CCDC187: variants seen among roughly 807,000 people sequenced by gnomAD.
CCDC187 encodes the protein coiled-coil domain containing 187, also known as coiled-coil domain-containing protein 187.
CCDC187 carries 32 observed loss-of-function variants against 38.0 expected under a neutral mutation model. That is an observed-to-expected ratio of 0.84 (90% CI 0.64 to 1.13). CCDC187 has a LOEUF of 1.13. Ranked by LOEUF, CCDC187 falls within the 50% of genes most tolerant of loss-of-function variation. The pLI, the probability that CCDC187 is intolerant of heterozygous loss-of-function variation, is 0.00. For missense variants in CCDC187, 707 were observed against 786.8 expected, an observed-to-expected ratio of 0.90 and a Z score of 1.21; for synonymous variants, 333 against 347.9, an observed-to-expected ratio of 0.96 and a Z score of 0.48.
intron 19 of CCDC187, among the ~76,000 whole-genome samples, chr9:136,260,533 G>A (rs1830667213): frequency 6.6e-6 from 1 of 151,680 alleles, no homozygotes; most frequent in African/African-American, 2.4e-5. Context: ...TGCACATGCT[G>A]GGCCCCCGAG....
At chr9:136,265,048 C>A (rs1385782980) in intron 17 of CCDC187, among the ~76,000 whole-genome samples, 1 of 152,214 alleles carries the variant, frequency 6.6e-6, no homozygotes, top group Admixed American at 6.5e-5. Flanking sequence ...CCTCACCCAG[C>A]CAGGTTCTTT....
At chr9:136,293,731 C>T (rs1330679192) in intron 4 of CCDC187, among the ~76,000 whole-genome samples, 3 of 152,130 alleles carry the variant, frequency 2.0e-5, no homozygotes, top group Non-Finnish European at 2.9e-5. Flanking sequence ...CTCACTCATG[C>T]ATTCACACAT....
At chr9:136,283,760 C>A (rs941226091) in intron 9 of CCDC187, among the ~76,000 whole-genome samples, 13 of 152,200 alleles carry the variant, frequency 8.5e-5, no homozygotes, top group Non-Finnish European at 2.9e-5. Flanking sequence ...TCTAGCTGGT[C>A]CCCCGGGAGC....
intron 9 of CCDC187, among the ~76,000 whole-genome samples, chr9:136,284,862 G>C (rs1234722622): frequency 6.6e-6 from 1 of 152,088 alleles, no homozygotes; most frequent in Admixed American, 6.5e-5. Flanking sequence ...CCTCTGTCAC[G>C]AGCATCTAAC....
In CCDC187 at chr9:136,260,181, C is replaced by A; in HGVS notation, c.4148G>T (p.Trp1383Leu). 2.0e-6 allele frequency: 2 copies of A among 985,522 alleles called. No homozygotes were observed. The highest frequency in any genetic ancestry group is 5.2e-4 in the Middle Eastern group (1 of 1,914). The allele number at this position is 985,522 out of a possible 1,614,324, so 61.0% of individuals were successfully genotyped here. A position where few individuals can be genotyped will look rare whatever the true frequency, so the allele number is the denominator to read the frequency against. Residue 1383 changes from tryptophan to leucine, a missense_variant, in exon 20 of 26, where the codon TGG becomes TTG. Transcript: ENST00000638797. ...DGHQQPPRPAWGEDTHDPQGP... is the reference protein window; with the variant it reads ...DGHQQPPRPALGEDTHDPQGP... ...CTGGGGGTCGTGTGTGTCCTCGCCC[C>A]ATGCTGGCCTCGGAGGCTGCTGGTG...
chr9:136,291,526 C>A lies in CCDC187; in HGVS notation c.1087G>T (p.Asp363Tyr). The A allele has an allele frequency of 2.5e-6, 1 of 398,706 alleles. No individual in the cohort carries two copies. Among genetic ancestry groups the A allele is most frequent in the Non-Finnish European group, 4.4e-6 (1 of 226,132 alleles). 24.7% of individuals were successfully genotyped at this position (398,706 alleles called of 1,614,324 possible). A position where few individuals can be genotyped will look rare whatever the true frequency, so the allele number is the denominator to read the frequency against. The change falls in exon 6 of 26, where the codon GAC becomes TAC. Residue 363 changes from aspartate to tyrosine, a missense_variant. Asp to Tyr is a radical substitution (Grantham distance 160, BLOSUM62 -3). Transcript: ENST00000638797. Reference protein sequence around the residue: ...SGNTPSLASFDQPATIQTAMA... With the variant: ...SGNTPSLASFYQPATIQTAMA... ...GCCGTCTGTATGGTCGCTGGCTGGT[C>A]GAAGGAAGCCAGGCTGGGTGTGTTC... is the stretch of plus-strand genomic sequence containing the variant.
chr9:136,289,557 G>A (rs1161816505), intron 7 of CCDC187, among the ~76,000 whole-genome samples: 1 of 148,378 alleles, frequency 6.7e-6, no homozygotes, highest in Non-Finnish European at 1.5e-5. Context: ...AGGCAAATCC[G>A]TCGAGGCAGA....
rs1275698213 is a variant in CCDC187 at position 136,263,274 on chromosome 9, G to A, written c.3912+348C>T. On this transcript the variant is annotated intron_variant, in intron 18 of 25. Transcript: ENST00000638797. ...TTTTTTGAGACGAAGTCTCCCTGTCGCCCAGGGTGGAGTGCAGTGGCATAT... is the reference window on the plus strand; with the variant it reads ...TTTTTTGAGACGAAGTCTCCCTGTCACCCAGGGTGGAGTGCAGTGGCATAT... Among the ~76,000 whole-genome samples, 16 of 133,166 alleles carry A rather than the reference G, an allele frequency of 1.2e-4. 1 individual carries two copies. The highest frequency in any genetic ancestry group is 3.1e-4 in the African/African-American group (11 of 35,780). 87.4% of individuals were successfully genotyped at this position (133,166 alleles called of 152,430 possible).
At chr9:136,297,290 T>A (rs1831559072) in intron 4 of CCDC187, among the ~76,000 whole-genome samples, 2 of 150,684 alleles carry the variant, frequency 1.3e-5, no homozygotes, top group South Asian at 4.3e-4. Flanking sequence ...GAGCTGCGGG[T>A]GGTGTGAGCT....
In CCDC187 at chr9:136,257,950, G is replaced by A. The variant is rs1333905496; in HGVS notation, c.4366+982C>T. 6.6e-6 allele frequency among the ~76,000 whole-genome samples: 1 copy of A among 152,198 alleles called. No individual in the cohort carries two copies. The highest frequency in any genetic ancestry group is 2.4e-5 in the African/African-American group (1 of 41,452). On this transcript the variant is annotated intron_variant, in intron 22 of 25. Coordinates refer to ENST00000638797, the MANE Select transcript of CCDC187 (RefSeq NM_001378188.1). This position sits in a 1 kb window ranked among gnomAD's most constrained non-coding sequence, Gnocchi z 4.5. Reference sequence around the variant, plus strand: ...AGGCCTCAGGCTCCTCCTCTGCTGCGTGGGCATAACGAGTGAATCCACCTC... The same window carrying A: ...AGGCCTCAGGCTCCTCCTCTGCTGCATGGGCATAACGAGTGAATCCACCTC...
intron 14 of CCDC187, among the ~76,000 whole-genome samples, chr9:136,272,775 G>A (rs1554762615): frequency 6.6e-6 from 1 of 152,026 alleles, no homozygotes; most frequent in Non-Finnish European, 1.5e-5. Flanking sequence ...TTGGGAGGCT[G>A]AGGAAGGAGG....
chr9:136,259,252 G>T (rs141245710), intron 21 of CCDC187, 111 bp downstream of exon 21: 3 of 288,344 alleles, frequency 1.0e-5, no homozygotes, highest in African/African-American at 2.3e-5. Flanking sequence ...CAGAATGTTG[G>T]GGGGGAGGGT....
intron 17 of CCDC187, 116 bp from the exon 18 acceptor site, chr9:136,263,914 C>T (rs1830709933): frequency 9.6e-6 from 7 of 730,372 alleles, no homozygotes; most frequent in Non-Finnish European, 1.2e-5. Context: ...GGGAGGCCTC[C>T]CTTTCCCTCC....
chr9:136,273,824 T>C (rs1830880408), intron 14 of CCDC187, among the ~76,000 whole-genome samples: 1 of 152,246 alleles, frequency 6.6e-6, no homozygotes, highest in South Asian at 2.1e-4. Context: ...AAACTAGGAA[T>C]GCACAGCAGG....
chr9:136,288,462 G>T (rs1831233659), intron 7 of CCDC187, among the ~76,000 whole-genome samples: 1 of 152,178 alleles, frequency 6.6e-6, no homozygotes, highest in African/African-American at 2.4e-5. Context: ...CTGGTGGGTG[G>T]GAGCCCCTCC....
chr9:136,255,030 C>T lies in CCDC187; in HGVS notation c.4798G>A (p.Gly1600Arg), dbSNP rs144882823. 7.1e-6 allele frequency: 7 copies of T among 985,520 alleles called. No individual in the cohort carries two copies. The highest frequency in any genetic ancestry group is 8.4e-6 in the Non-Finnish European group (7 of 830,020). 61.0% of individuals were successfully genotyped at this position (985,520 alleles called of 1,614,324 possible). ...TCTTCCGAAGGCCCCCAGCAGGTTC[C>T]AGAAGCAGACTCAGAGCCTGGACCG... is the stretch of plus-strand genomic sequence containing the variant. ...SCGPGSESAS[G>R]TCWGPSEEAT... The change falls in exon 26 of 26, where the codon GGA becomes AGA. Residue 1600 changes from glycine to arginine, a missense_variant. Transcript: ENST00000638797.
chr9:136,289,120 A>G (rs1482159941), intron 7 of CCDC187, among the ~76,000 whole-genome samples: 1 of 152,142 alleles, frequency 6.6e-6, no homozygotes, highest in Non-Finnish European at 1.5e-5. Context: ...TGCAACATGA[A>G]TGAGCCTGGA....
At chr9:136,299,398 A>G (rs1383032009) in intron 3 of CCDC187, among the ~76,000 whole-genome samples, 1 of 152,186 alleles carries the variant, frequency 6.6e-6, no homozygotes, top group Non-Finnish European at 1.5e-5. Context: ...GATGGACAGC[A>G]ACTGTCCCCA....
At position 136,297,975 on chromosome 9, in the gene CCDC187, G is replaced by A. The variant is rs1831577085; in HGVS notation, c.725-154C>T. ...TGCTCCCTGCTTGGCGAGAGCCAGG[G>A]TGGGCAGCTAACGCTGGGGACAGGC... On this transcript the variant is annotated intron_variant, in intron 3 of 25. Coordinates refer to ENST00000638797, the MANE Select transcript of CCDC187 (RefSeq NM_001378188.1). Among the ~76,000 whole-genome samples, 3 of 152,248 alleles carry A rather than the reference G, an allele frequency of 2.0e-5. No homozygotes were observed. In the South Asian group the frequency reaches 6.2e-4, roughly 31 times the overall value.
Sources: gnomAD v4.1 joint callset for allele counts (sites outside exome capture counted in the v4.1 genomes callset) on GRCh38, gnomAD v4.1.1 for gene constraint, Gnocchi (gnomAD v3.1) non-coding constraint, MANE v1.5 for transcripts, NCBI Gene and HGNC (gene_info 2026-07-23, HGNC 2026-07-21) for gene names.